ARSB: variants seen among roughly 807,000 people sequenced by gnomAD.
ARSB encodes N-acetylgalactosamine-4-sulfatase.
In ARSB, 41 loss-of-function variants were observed where a neutral mutation model predicts 50.9. That is an observed-to-expected ratio of 0.81 (90% CI 0.63 to 1.04). The LOEUF is 1.04. Ranked by LOEUF, ARSB falls within the 50% of genes least tolerant of loss-of-function variation. ARSB has a pLI of 0.00. For synonymous variants in ARSB, 269 were observed against 284.8 expected, an observed-to-expected ratio of 0.94 and a Z score of 0.56; for missense variants, 672 against 693.3, an observed-to-expected ratio of 0.97 and a Z score of 0.35.
chr5:78,880,976 A>C (rs1029237450), intron 5 of ARSB, among the ~76,000 whole-genome samples: 1 of 152,186 alleles, frequency 6.6e-6, no homozygotes, highest in Non-Finnish European at 1.5e-5. Flanking sequence ...TCACACCTGT[A>C]ATTCCAGCGC....
At chr5:78,951,728 A>C (rs1041580002) in intron 4 of ARSB, among the ~76,000 whole-genome samples, 8 of 152,210 alleles carry the variant, frequency 5.3e-5, no homozygotes, top group African/African-American at 1.9e-4. Context: ...ACACACCTAG[A>C]TATAATTCAG....
intron 2 of ARSB, among the ~76,000 whole-genome samples, chr5:78,968,380 C>T (rs1361479857): frequency 1.3e-5 from 2 of 149,022 alleles, no homozygotes; most frequent in East Asian, 2.0e-4. Context: ...CAGAGTCTTG[C>T]TCTGTTGCCC....
At chr5:78,914,846 C>T (rs1472083164) in intron 4 of ARSB, among the ~76,000 whole-genome samples, 2 of 152,066 alleles carry the variant, frequency 1.3e-5, no homozygotes, top group African/African-American at 4.8e-5. Flanking sequence ...TTTCTGTTTT[C>T]AGTAGAGGCA....
At position 78,903,888 on chromosome 5, in the gene ARSB, G is replaced by A. The variant is rs534161826; in HGVS notation, c.899-18061C>T. 3.0e-4 allele frequency among the ~76,000 whole-genome samples: 45 copies of A among 152,052 alleles called. No homozygotes were observed. In the Middle Eastern group the frequency reaches 0.02, roughly 69 times the overall value. Reference sequence around the variant, plus strand: ...ACATACAGTAAAATTCACTTATTTTGGTGTGCATCATTATGGATTTTAACA... The same window carrying A: ...ACATACAGTAAAATTCACTTATTTTAGTGTGCATCATTATGGATTTTAACA... On this transcript the variant is annotated intron_variant, in intron 4 of 7. Transcript: ENST00000264914.
chr5:78,964,240 A>C (rs1007484922), intron 3 of ARSB, among the ~76,000 whole-genome samples, 176 bp downstream of exon 3: 8 of 152,210 alleles, frequency 5.3e-5, no homozygotes, highest in Admixed American at 6.5e-5. Flanking sequence ...GGGCTCCAGG[A>C]ATCTTCCTTT....
intron 5 of ARSB, among the ~76,000 whole-genome samples, chr5:78,877,513 C>T (rs1260942612): frequency 6.6e-6 from 1 of 152,010 alleles, no homozygotes. Flanking sequence ...CTCAGCCTCC[C>T]TAGTAGCTGG....
intron 5 of ARSB, among the ~76,000 whole-genome samples, chr5:78,846,681 G>T (rs756312427): frequency 1.3e-5 from 2 of 152,106 alleles, no homozygotes; most frequent in South Asian, 4.2e-4. Context: ...TATATATGAT[G>T]ATATCATCTG....
intron 5 of ARSB, among the ~76,000 whole-genome samples, chr5:78,842,688 TC>T (rs1359247058): frequency 6.6e-6 from 1 of 152,044 alleles, no homozygotes; most frequent in Non-Finnish European, 1.5e-5. Context: ...TTGAGTAGTC[TC>T]CAATAATCAC....
chr5:78,972,027 C>T (rs376667523), intron 1 of ARSB, among the ~76,000 whole-genome samples: 6 of 152,226 alleles, frequency 3.9e-5, no homozygotes, highest in East Asian at 1.9e-4. Flanking sequence ...TTCAAATCCA[C>T]GCTGCTTTCT....
chr5:78,984,613 C>A (rs541133526), intron 1 of ARSB, among the ~76,000 whole-genome samples: 266 of 152,380 alleles, frequency 1.7e-3, no homozygotes, highest in African/African-American at 6.0e-3. Context: ...GACCGCTCCG[C>A]CTGCCGGCCG....
chr5:78,863,335 T>C (rs984135674), intron 5 of ARSB, among the ~76,000 whole-genome samples: 4 of 152,138 alleles, frequency 2.6e-5, no homozygotes, highest in African/African-American at 9.7e-5. Flanking sequence ...CTATTCACAA[T>C]AGCGAAGACT....
intron 6 of ARSB, chr5:78,783,342 G>A (rs909914775): frequency 7.2e-5 from 11 of 152,096 alleles, no homozygotes; most frequent in Non-Finnish European, 1.2e-4. Flanking sequence ...GTGCTCCTGG[G>A]GTTTTCATGC....
chr5:78,779,846 C>T lies in ARSB; in HGVS notation c.*551G>A, dbSNP rs973438440. ...GCAGGCATTTTGCTGTTGACCTGAA[C>T]AACAAAATGGGCCTTATGCTCTGTG... is the stretch of plus-strand genomic sequence containing the variant. On this transcript the variant is annotated 3_prime_UTR_variant, in exon 8 of 8. Transcript: ENST00000264914. 1 of 157,128 alleles carries T rather than the reference C, an allele frequency of 6.4e-6. No individual in the cohort carries two copies. The highest frequency in any genetic ancestry group is 1.4e-5 in the Non-Finnish European group (1 of 71,280). 9.7% of individuals were successfully genotyped at this position (157,128 alleles called of 1,614,324 possible).
chr5:78,883,470 T>C (rs1299858508), intron 5 of ARSB: 1 of 152,166 alleles, frequency 6.6e-6, no homozygotes, highest in Non-Finnish European at 1.5e-5. Context: ...TTTAAAATAA[T>C]ATGAAAATAA....
chr5:78,784,957 C>G (rs532482732), intron 6 of ARSB, among the ~76,000 whole-genome samples: 2 of 151,978 alleles, frequency 1.3e-5, no homozygotes, highest in Non-Finnish European at 2.9e-5. Flanking sequence ...TGCCACCATG[C>G]CCAGCTAATT....
At chr5:78,937,731 C>T (rs337844) in intron 4 of ARSB, among the ~76,000 whole-genome samples, 28,788 of 150,048 alleles carry the variant, frequency 0.19, 2,951 homozygotes, top group East Asian at 0.45. Flanking sequence ...CCCTTTGGTG[C>T]GGGGTGGGGG....
chr5:78,946,358 C>T (rs1186857375), intron 4 of ARSB, among the ~76,000 whole-genome samples: 3 of 152,028 alleles, frequency 2.0e-5, no homozygotes, highest in Admixed American at 6.6e-5. Flanking sequence ...ATAGCCTCCA[C>T]AAAAAAACTA....
chr5:78,825,084 C>G (rs988313710), intron 6 of ARSB, among the ~76,000 whole-genome samples: 1 of 152,108 alleles, frequency 6.6e-6, no homozygotes, highest in Non-Finnish European at 1.5e-5. Flanking sequence ...AAACTCAAAT[C>G]CAGTTGGTTT....
chr5:78,816,858 G>A (rs576003588), intron 6 of ARSB, among the ~76,000 whole-genome samples: 3 of 152,170 alleles, frequency 2.0e-5, no homozygotes, highest in Non-Finnish European at 1.5e-5. Flanking sequence ...ACCTGAGCAA[G>A]CTTGGAAGAA....
Sources: gnomAD v4.1 joint callset for allele counts (sites outside exome capture counted in the v4.1 genomes callset) on GRCh38, gnomAD v4.1.1 for gene constraint, MANE v1.5 for transcripts, NCBI Gene and HGNC (gene_info 2026-07-23, HGNC 2026-07-21) for gene names.